The following KCNS2 variants were observed in gnomAD, a reference collection of about 807,000 sequenced individuals.
KCNS2 encodes delayed-rectifier potassium channel regulatory subunit KCNS2.
KCNS2 carries 15 observed loss-of-function variants against 28.3 expected under a neutral mutation model. The ratio of observed to expected loss-of-function variants is 0.53; its 90% CI spans 0.35 to 0.82. The LOEUF (loss-of-function observed/expected upper bound fraction) is 0.82. KCNS2 is among the 40% of genes least tolerant of loss of function. KCNS2 has a pLI of 0.01. For synonymous variants in KCNS2, 254 were observed against 256.7 expected (o/e 0.99, Z 0.10); for missense variants, 501 against 617.1 (o/e 0.81, Z 1.99).
chr8:98,429,678 C>A lies in KCNS2; in HGVS notation c.*265C>A. 1 of 440,730 alleles carries A rather than the reference C, an allele frequency of 2.3e-6. No homozygotes were observed. Among genetic ancestry groups the A allele is most frequent in the Non-Finnish European group, 4.2e-6 (1 of 240,262 alleles). The allele number at this position is 440,730 out of a possible 1,614,324, so 27.3% of individuals were successfully genotyped here. ...GGGCATAAAATGTTCACCTTTTTGC[C>A]AGATGAGTACACCCAGAATGCTAAT... On this transcript the variant is annotated 3_prime_UTR_variant, in exon 2 of 2. Coordinates refer to ENST00000287042, the MANE Select transcript of KCNS2 (RefSeq NM_020697.4).
In KCNS2 at chr8:98,432,250, C is replaced by T. The variant is rs1480725710; in HGVS notation, c.*2837C>T. On this transcript the variant is annotated 3_prime_UTR_variant, in exon 2 of 2. Coordinates refer to ENST00000287042, the MANE Select transcript of KCNS2 (RefSeq NM_020697.4). Reference sequence around the variant, plus strand: ...GCTGTCAGACTGACCTGTAAACCTCCTTTAGGGGGACAGAGTAGAAACTGG... The same window carrying T: ...GCTGTCAGACTGACCTGTAAACCTCTTTTAGGGGGACAGAGTAGAAACTGG... 1 of 166,988 alleles carries T rather than the reference C, an allele frequency of 6.0e-6. No homozygotes were observed. Among genetic ancestry groups the T allele is most frequent in the Admixed American group, 6.5e-5 (1 of 15,290 alleles). The allele number at this position is 166,988 out of a possible 1,614,324, so 10.3% of individuals were successfully genotyped here. A position where few individuals can be genotyped will look rare whatever the true frequency, so the allele number is the denominator to read the frequency against.
Position 98,428,639 on chromosome 8 carries a change from C to A in KCNS2, c.660C>A (p.Asn220Lys), listed in dbSNP as rs1818281198. 4.3e-6 allele frequency: 7 copies of A among 1,614,212 alleles called. No homozygotes were observed. The highest frequency in any genetic ancestry group is 3.3e-5 in the South Asian group (3 of 91,084). ...PDFQIPDSQG[N>K]PGEDPRFEIV... ...TCCAAATCCCTGACAGCCAGGGCAA[C>A]CCTGGCGAGGACCCTAGGTTCGAAA... The change falls in exon 2 of 2, where the codon AAC becomes AAA. Residue 220 changes from asparagine (N) to lysine (K), a missense_variant. Transcript: ENST00000287042. This position sits in a 1 kb window ranked among gnomAD's most constrained non-coding sequence, Gnocchi z 6.7.
rs1372482162 is a variant in KCNS2, at chr8:98,428,011, AGGC to A, written c.33_35del (p.Glu11_Ala12delinsAsp). On this transcript the variant is annotated inframe_deletion, in exon 2 of 2. Coordinates refer to ENST00000287042, the MANE Select transcript of KCNS2 (RefSeq NM_020697.4). The surrounding 1 kb of genome is among the most constrained non-coding windows in gnomAD (Gnocchi z 6.7). The stretch of plus-strand genomic sequence containing the variant: ...GGCCAGAGCCTGTGGGACGTGTCGG[AGGC>A]TAACGTCGAGGACGGGGAGATCCGC... 2 of 1,587,914 alleles carry A rather than the reference AGGC, an allele frequency of 1.3e-6. No homozygotes were observed. The highest frequency in any genetic ancestry group is 2.3e-5 in the South Asian group (2 of 88,178).
chr8:98,427,883 G>A, intron 1 of KCNS2, 55 bp from the exon 2 acceptor site: 1 of 1,079,270 alleles, frequency 9.3e-7, no homozygotes, highest in Non-Finnish European at 1.3e-6. Context: ...GTAGGGAGAG[G>A]GGGCCCCGCC....
chr8:98,430,837 T>A lies in KCNS2; in HGVS notation c.*1424T>A, dbSNP rs1375290774. On this transcript the variant is annotated 3_prime_UTR_variant, in exon 2 of 2. Coordinates refer to ENST00000287042, the MANE Select transcript of KCNS2 (RefSeq NM_020697.4). ...GTAAACTTGAAAAGCTTAATGCTAT[T>A]CAAAAGACCTTCAAGCTTCCAAACT... 1 of 167,080 alleles carries A rather than the reference T, an allele frequency of 6.0e-6. No individual in the cohort carries two copies. Among genetic ancestry groups the A allele is most frequent in the African/African-American group, 2.4e-5 (1 of 41,450 alleles). The allele number at this position is 167,080 out of a possible 1,614,324, so 10.3% of individuals were successfully genotyped here. A position where few individuals can be genotyped will look rare whatever the true frequency, so the allele number is the denominator to read the frequency against.
chr8:98,427,751 C>G, intron 1 of KCNS2, 187 bp from the exon 2 acceptor site: 2 of 499,696 alleles, frequency 4.0e-6, no homozygotes, highest in South Asian at 6.5e-5. Flanking sequence ...TGGAGCTGTG[C>G]TAATAGAAAC....
rs1382988229 is a variant in KCNS2, at chr8:98,429,179, C to T, written c.1200C>T (p.Leu400=). The change falls in exon 2 of 2, where the codon CTC becomes CTT. Residue 400 remains leucine, a synonymous_variant. Transcript: ENST00000287042. ...TASACILAGI[L]VVVLPITLIF... ...CTGCCTGCATCTTGGCAGGCATCCT[C>T]GTGGTGGTCCTGCCCATCACCTTGA... The T allele has an allele frequency of 5.0e-6, 8 of 1,613,690 alleles. No individual in the cohort carries two copies. Among genetic ancestry groups the T allele is most frequent in the East Asian group, 4.5e-5 (2 of 44,880 alleles).
chr8:98,430,839 A>ATTTT lies in KCNS2; in HGVS notation c.*1426_*1427insTTTT, dbSNP rs1332137314. 9 of 167,230 alleles carry ATTTT rather than the reference A, an allele frequency of 5.4e-5. 1 individual carries two copies. In the Admixed American group the frequency reaches 5.9e-4, roughly 11 times the overall value. 10.4% of individuals were successfully genotyped at this position (167,230 alleles called of 1,614,324 possible). A position where few individuals can be genotyped will look rare whatever the true frequency, so the allele number is the denominator to read the frequency against. The stretch of plus-strand genomic sequence containing the variant: ...AAACTTGAAAAGCTTAATGCTATTC[A>ATTTT]AAAGACCTTCAAGCTTCCAAACTTG... On this transcript the variant is annotated 3_prime_UTR_variant, in exon 2 of 2. Coordinates refer to ENST00000287042, the MANE Select transcript of KCNS2 (RefSeq NM_020697.4).
Position 98,429,091 on chromosome 8 carries a change from G to T in KCNS2, c.1112G>T (p.Ser371Ile). The T allele has an allele frequency of 1.2e-6, 2 of 1,613,458 alleles. No individual in the cohort carries two copies. Among genetic ancestry groups the T allele is most frequent in the Non-Finnish European group, 1.7e-6 (2 of 1,179,484 alleles). The change falls in exon 2 of 2, where the codon AGT becomes ATT. Residue 371 changes from serine to isoleucine, a missense_variant. Ser to Ile is a moderately radical substitution (Grantham distance 142). Transcript: ENST00000287042. ...GCCTGCTGGTGGTGGGCTACCGTCAGTATGACCACAGTGGGGTACGGGGAT... is the reference window on the plus strand; with the variant it reads ...GCCTGCTGGTGGTGGGCTACCGTCATTATGACCACAGTGGGGTACGGGGAT... ...IPACWWWATV[S>I]MTTVGYGDVV...
chr8:98,429,333 G>C lies in KCNS2; in HGVS notation c.1354G>C (p.Val452Leu). 1 of 1,614,214 alleles carries C rather than the reference G, an allele frequency of 6.2e-7. No homozygotes were observed. The highest frequency in any genetic ancestry group is 8.5e-7 in the Non-Finnish European group (1 of 1,180,036). The change falls in exon 2 of 2, where the codon GTT becomes CTT. Residue 452 changes from valine to leucine, a missense_variant. Coordinates refer to ENST00000287042, the MANE Select transcript of KCNS2 (RefSeq NM_020697.4). The stretch of plus-strand genomic sequence containing the variant: ...TTTAAGGGACTATTATGCCCATAAA[G>C]TTAAATCCCTTATGGCAAGCCTGAC... ...VNLRDYYAHK[V>L]KSLMASLTNM...
At position 98,432,131 on chromosome 8, in the gene KCNS2, A is replaced by G. The variant is rs1586559221; in HGVS notation, c.*2718A>G. 1 of 163,462 alleles carries G rather than the reference A, an allele frequency of 6.1e-6. No individual in the cohort carries two copies. The highest frequency in any genetic ancestry group is 2.1e-4 in the South Asian group (1 of 4,760). The allele number at this position is 163,462 out of a possible 1,614,324, so 10.1% of individuals were successfully genotyped here. On this transcript the variant is annotated 3_prime_UTR_variant, in exon 2 of 2. Coordinates refer to ENST00000287042, the MANE Select transcript of KCNS2 (RefSeq NM_020697.4). ...TCTTTGATCGACCTTGCTAGATAAC[A>G]TCTAACCAGCAGTTTCTTTTAGTCC...
Position 98,428,252 on chromosome 8 carries a change from C to T in KCNS2, c.273C>T (p.His91=), listed in dbSNP as rs1818271736. 6.2e-7 allele frequency: 1 copy of T among 1,614,128 alleles called. No homozygotes were observed. Among genetic ancestry groups the T allele is most frequent in the South Asian group, 1.1e-5 (1 of 91,084 alleles). Residue 91 remains histidine (H), a synonymous_variant, in exon 2 of 2, where the codon CAC becomes CAT. Coordinates refer to ENST00000287042, the MANE Select transcript of KCNS2 (RefSeq NM_020697.4). This position sits in a 1 kb window ranked among gnomAD's most constrained non-coding sequence, Gnocchi z 6.7. The stretch of plus-strand genomic sequence containing the variant: ...ATTTCTATCACACCGGCAAGCTTCA[C>T]GTCATGGCTGAGCTATGTGTCTTCT... ...VLHFYHTGKL[H]VMAELCVFSF... is the part of the protein sequence containing the mutation.
In KCNS2 at chr8:98,428,218, A is replaced by C; in HGVS notation, c.239A>C (p.Tyr80Ser). Reference sequence around the variant, plus strand: ...GACCGCAACCCTGAGCTCTTCCCCTACGTGCTGCATTTCTATCACACCGGC... The same window carrying C: ...GACCGCAACCCTGAGCTCTTCCCCTCCGTGCTGCATTTCTATCACACCGGC... ...YFDRNPELFP[Y>S]VLHFYHTGKL... Residue 80 changes from tyrosine to serine, a missense_variant, in exon 2 of 2, where the codon TAC (tyrosine) becomes TCC (serine). Physicochemically the swap from Tyr to Ser is moderately radical, Grantham distance 144. Coordinates refer to ENST00000287042, the MANE Select transcript of KCNS2 (RefSeq NM_020697.4). The surrounding 1 kb of genome is among the most constrained non-coding windows in gnomAD (Gnocchi z 6.7). 1.2e-6 allele frequency: 2 copies of C among 1,613,946 alleles called. No homozygotes were observed. Among genetic ancestry groups the C allele is most frequent in the East Asian group, 2.2e-5 (1 of 44,870 alleles).
Position 98,429,128 on chromosome 8 carries a change from G to C in KCNS2, c.1149G>C (p.Gly383=), listed in dbSNP as rs746351827. 4 of 1,613,350 alleles carry C rather than the reference G, an allele frequency of 2.5e-6. No homozygotes were observed. Among genetic ancestry groups the C allele is most frequent in the Non-Finnish European group, 3.4e-6 (4 of 1,179,422 alleles). The change falls in exon 2 of 2, where the codon GGG becomes GGC. Residue 383 remains glycine (G), a synonymous_variant. Coordinates refer to ENST00000287042, the MANE Select transcript of KCNS2 (RefSeq NM_020697.4). ...TTVGYGDVVP[G]TTAGKLTASA... is the part of the protein sequence containing the mutation. Reference sequence around the variant, plus strand: ...TGGGGTACGGGGATGTGGTCCCAGGGACCACGGCAGGAAAGCTGACTGCCT... The same window carrying C: ...TGGGGTACGGGGATGTGGTCCCAGGCACCACGGCAGGAAAGCTGACTGCCT...
rs900041155 is a variant in KCNS2, at chr8:98,431,062, G to T, written c.*1649G>T. The T allele has an allele frequency of 9.6e-5, 16 of 167,106 alleles. No individual in the cohort carries two copies. Among genetic ancestry groups the T allele is most frequent in the Admixed American group, 2.6e-4 (4 of 15,288 alleles). The allele number at this position is 167,106 out of a possible 1,614,324, so 10.4% of individuals were successfully genotyped here. ...TTTGAAAAGGCAATAGAACCCAGGGGTCTGAGCATGGAGCTATCCAGGGTT... is the reference window on the plus strand; with the variant it reads ...TTTGAAAAGGCAATAGAACCCAGGGTTCTGAGCATGGAGCTATCCAGGGTT... On this transcript the variant is annotated 3_prime_UTR_variant, in exon 2 of 2. Coordinates refer to ENST00000287042, the MANE Select transcript of KCNS2 (RefSeq NM_020697.4).
chr8:98,428,636 C>T lies in KCNS2; in HGVS notation c.657C>T (p.Gly219=), dbSNP rs1233946642. ...ATTTCCAAATCCCTGACAGCCAGGG[C>T]AACCCTGGCGAGGACCCTAGGTTCG... ...LPDFQIPDSQ[G]NPGEDPRFEI... Residue 219 remains glycine (G), a synonymous_variant, in exon 2 of 2, where the codon GGC becomes GGT. Transcript: ENST00000287042. The surrounding 1 kb of genome is among the most constrained non-coding windows in gnomAD (Gnocchi z 6.7). The T allele has an allele frequency of 6.2e-7, 1 of 1,614,212 alleles. No individual in the cohort carries two copies. Among genetic ancestry groups the T allele is most frequent in the East Asian group, 2.2e-5 (1 of 44,868 alleles).
Position 98,429,134 on chromosome 8 carries a change from G to C in KCNS2, c.1155G>C (p.Thr385=), listed in dbSNP as rs756429578. 15 of 1,613,038 alleles carry C rather than the reference G, an allele frequency of 9.3e-6. No individual in the cohort carries two copies. The South Asian group carries it at 9.9e-5, about 11-fold the overall frequency. ...VGYGDVVPGT[T]AGKLTASACI... ...ACGGGGATGTGGTCCCAGGGACCAC[G>C]GCAGGAAAGCTGACTGCCTCTGCCT... Residue 385 remains threonine (T), a synonymous_variant, in exon 2 of 2, where the codon ACG becomes ACC. Coordinates refer to ENST00000287042, the MANE Select transcript of KCNS2 (RefSeq NM_020697.4).
At position 98,428,009 on chromosome 8, in the gene KCNS2, G is replaced by A. The variant is rs184683445; in HGVS notation, c.30G>A (p.Ser10=). ...CCGGCCAGAGCCTGTGGGACGTGTC[G>A]GAGGCTAACGTCGAGGACGGGGAGA... MTGQSLWDV[S]EANVEDGEIR... Residue 10 remains serine (S), a synonymous_variant, in exon 2 of 2, where the codon TCG becomes TCA. Coordinates refer to ENST00000287042, the MANE Select transcript of KCNS2 (RefSeq NM_020697.4). The surrounding 1 kb of genome is among the most constrained non-coding windows in gnomAD (Gnocchi z 6.7). 6.3e-6 allele frequency: 10 copies of A among 1,585,266 alleles called. No homozygotes were observed. The highest frequency in any genetic ancestry group is 7.7e-6 in the Non-Finnish European group (9 of 1,164,512).
rs772271323 is a variant in KCNS2 at position 98,429,030 on chromosome 8, G to A, written c.1051G>A (p.Glu351Lys). Residue 351 changes from glutamate to lysine, a missense_variant, in exon 2 of 2, where the codon GAA becomes AAA. Transcript: ENST00000287042. ...CTTCTCCGTGGTGGCCTACACCATT[G>A]AAAAGGAGGAGAACGAGGGCCTGGC... Reference protein sequence around the residue: ...SIFSVVAYTIEKEENEGLATI... With the variant: ...SIFSVVAYTIKKEENEGLATI... 1 of 1,613,648 alleles carries A rather than the reference G, an allele frequency of 6.2e-7. No individual in the cohort carries two copies. Among genetic ancestry groups the A allele is most frequent in the South Asian group, 1.1e-5 (1 of 91,034 alleles).
Sources: gnomAD v4.1 joint callset for allele counts on GRCh38, gnomAD v4.1.1 for gene constraint, Gnocchi (gnomAD v3.1) non-coding constraint, MANE v1.5 for transcripts, NCBI Gene and HGNC (gene_info 2026-07-23, HGNC 2026-07-21) for gene names.